Variants in SGMS1 observed in about 807,000 individuals in gnomAD.
SGMS1 encodes sphingomyelin synthase 1.
In SGMS1, 13 loss-of-function variants were observed where a neutral mutation model predicts 46.2. The ratio of observed to expected loss-of-function variants is 0.28; its 90% confidence interval spans 0.18 to 0.45. The LOEUF is 0.45. Among genes scored for constraint, SGMS1 ranks in the 20% least tolerant of loss-of-function variants. The pLI, the probability that SGMS1 is intolerant of heterozygous loss-of-function variation, is 1.00. For missense variants in SGMS1, 324 were observed against 519.9 expected (o/e 0.62, Z 3.66); for synonymous variants, 203 against 187.8 (o/e 1.08, Z -0.66).
intron 1 of SGMS1, among the ~76,000 whole-genome samples, chr10:50,619,222 AAATGGGTAAGT>A (rs772573164): frequency 2.6e-5 from 4 of 152,146 alleles, no homozygotes; most frequent in Non-Finnish European, 4.4e-5. Flanking sequence ...ATCATTAGGG[AAATGGGTAAGT>A]AAAAGTAGGA....
chr10:50,577,989 G>A (rs916634919), intron 2 of SGMS1, among the ~76,000 whole-genome samples: 1 of 152,174 alleles, frequency 6.6e-6, no homozygotes, highest in African/African-American at 2.4e-5. Flanking sequence ...GGAAGGACTG[G>A]TATTTGACAG....
At chr10:50,608,457 G>A (rs1838717052) in intron 1 of SGMS1, among the ~76,000 whole-genome samples, 1 of 152,112 alleles carries the variant, frequency 6.6e-6, no homozygotes, top group Admixed American at 6.6e-5. Flanking sequence ...GCCTTGGGCG[G>A]TCAGCACAGG....
chr10:50,399,978 G>A (rs1446535061), intron 6 of SGMS1, among the ~76,000 whole-genome samples: 1 of 151,360 alleles, frequency 6.6e-6, no homozygotes, highest in Non-Finnish European at 1.5e-5. Context: ...GCAGTGAGCC[G>A]GGATCGCGCC....
At chr10:50,487,984 AT>A (rs752336042) in intron 3 of SGMS1, among the ~76,000 whole-genome samples, 1 of 137,042 alleles carries the variant, frequency 7.3e-6, no homozygotes, top group African/African-American at 2.6e-5. Context: ...TTTTGTTTTT[AT>A]TTTATTTATT....
At chr10:50,321,343 T>C (rs1022086649) in intron 8 of SGMS1, among the ~76,000 whole-genome samples, 1 of 152,212 alleles carries the variant, frequency 6.6e-6, no homozygotes, top group Non-Finnish European at 1.5e-5. Context: ...CTTCCTCTTT[T>C]TGTAGTCTTT....
intron 6 of SGMS1, among the ~76,000 whole-genome samples, chr10:50,356,760 C>T (rs1467908688): frequency 6.6e-6 from 1 of 151,934 alleles, no homozygotes; most frequent in African/African-American, 2.4e-5. Context: ...GAGTTCATGT[C>T]CTTTGTAGGG....
At chr10:50,597,435 T>A (rs1838604942) in intron 1 of SGMS1, among the ~76,000 whole-genome samples, 1 of 152,200 alleles carries the variant, frequency 6.6e-6, no homozygotes, top group South Asian at 2.1e-4. Flanking sequence ...AGAATACTAG[T>A]TAGTAATAAA....
chr10:50,493,629 AC>A (rs1837585178), intron 3 of SGMS1, among the ~76,000 whole-genome samples: 1 of 152,216 alleles, frequency 6.6e-6, no homozygotes, highest in Admixed American at 6.5e-5. Context: ...CAAGAAAAAA[AC>A]AACCCCATTA....
At chr10:50,508,445 G>T (rs1286752016) in intron 3 of SGMS1, among the ~76,000 whole-genome samples, 6 of 152,194 alleles carry the variant, frequency 3.9e-5, no homozygotes, top group Admixed American at 1.3e-4. Context: ...GTTAACTGCG[G>T]TTAACATCTC....
chr10:50,536,761 A>C (rs967629398), intron 2 of SGMS1, among the ~76,000 whole-genome samples: 2 of 152,210 alleles, frequency 1.3e-5, no homozygotes, highest in African/African-American at 4.8e-5. Context: ...TTTTCTTCAT[A>C]CATGAAAAAT....
chr10:50,476,899 C>A (rs1424693930), intron 3 of SGMS1, among the ~76,000 whole-genome samples: 1 of 152,234 alleles, frequency 6.6e-6, no homozygotes, highest in Non-Finnish European at 1.5e-5. Flanking sequence ...ATGGAAACAT[C>A]TGGATGTCCA....
chr10:50,385,503 C>T (rs184898770), intron 6 of SGMS1, among the ~76,000 whole-genome samples: 1 of 152,214 alleles, frequency 6.6e-6, no homozygotes, highest in African/African-American at 2.4e-5. Flanking sequence ...AATCAAGTTA[C>T]CATAAAGGTT....
At chr10:50,614,443 G>C (rs1838778672) in intron 1 of SGMS1, among the ~76,000 whole-genome samples, 1 of 152,234 alleles carries the variant, frequency 6.6e-6, no homozygotes, top group Non-Finnish European at 1.5e-5. Context: ...GTAACTAGAA[G>C]TAGTAGCAGC....
upstream of SGMS1, chr10:50,625,078 C>T: frequency 1.0e-6 from 1 of 992,312 alleles, no homozygotes; most frequent in Non-Finnish European, 1.2e-6. Flanking sequence ...CGGCACCTGC[C>T]TCCGCCTCGC....
chr10:50,499,739 G>A (rs1837645524), intron 3 of SGMS1, among the ~76,000 whole-genome samples: 1 of 152,204 alleles, frequency 6.6e-6, no homozygotes, highest in Non-Finnish European at 1.5e-5. Flanking sequence ...TTTAGTTACA[G>A]CAAAAAGGTA....
intron 6 of SGMS1, among the ~76,000 whole-genome samples, chr10:50,424,849 T>C (rs1053472115): frequency 2.7e-5 from 4 of 147,808 alleles, no homozygotes; most frequent in Non-Finnish European, 6.0e-5. Flanking sequence ...GAGATGGAGG[T>C]TGCAGTGAGC....
At chr10:50,391,840 T>TAAAAAAAA (rs146392084) in intron 6 of SGMS1, among the ~76,000 whole-genome samples, 1 of 123,520 alleles carries the variant, frequency 8.1e-6, no homozygotes. Flanking sequence ...ATGCAATCAT[T>TAAAAAAAA]AAAAAAAAAA....
intron 3 of SGMS1, among the ~76,000 whole-genome samples, chr10:50,480,535 G>T (rs1270149780): frequency 6.6e-6 from 1 of 152,116 alleles, no homozygotes; most frequent in African/African-American, 2.4e-5. Context: ...AGCTGCACAG[G>T]GCAAGGGGAA....
chr10:50,541,243 A>G (rs1455562636), intron 2 of SGMS1, among the ~76,000 whole-genome samples: 1 of 152,194 alleles, frequency 6.6e-6, no homozygotes, highest in Non-Finnish European at 1.5e-5. Context: ...TATACTCATG[A>G]AGACTTAATC....
Sources: gnomAD v4.1 joint callset for allele counts (sites outside exome capture counted in the v4.1 genomes callset) on GRCh38, gnomAD v4.1.1 for gene constraint, MANE v1.5 for transcripts, NCBI Gene and HGNC (gene_info 2026-07-23, HGNC 2026-07-21) for gene names.